NELL2: variants seen among roughly 807,000 people sequenced by gnomAD.
NELL2 encodes protein kinase C-binding protein NELL2.
NELL2 carries 41 observed loss-of-function variants against 109.6 expected under a neutral mutation model. That is an observed-to-expected ratio of 0.37 (90% CI 0.29 to 0.49). NELL2 has a LOEUF of 0.49. NELL2 is among the 20% of genes least tolerant of loss of function. The pLI is 0.98. For missense variants in NELL2, 900 were observed against 1,008.3 expected, an observed-to-expected ratio of 0.89 and a Z score of 1.45; for synonymous variants, 355 against 344.7, an observed-to-expected ratio of 1.03 and a Z score of -0.33.
chr12:44,807,135 TA>T (rs150063926), intron 3 of NELL2, among the ~76,000 whole-genome samples: 2,526 of 151,446 alleles, frequency 0.017, 66 homozygotes, highest in African/African-American at 0.055. Flanking sequence ...AACCAAATAA[TA>T]AACACATATA....
At chr12:44,573,304 T>C (rs537064050) in intron 15 of NELL2, among the ~76,000 whole-genome samples, 4 of 152,202 alleles carry the variant, frequency 2.6e-5, no homozygotes, top group East Asian at 3.9e-4. Flanking sequence ...TGGACCAAAC[T>C]GCCCAAGTGT....
chr12:44,571,119 T>G (rs773694448), intron 15 of NELL2, among the ~76,000 whole-genome samples: 4 of 152,168 alleles, frequency 2.6e-5, no homozygotes, highest in Non-Finnish European at 4.4e-5. Context: ...AACAGCTGTG[T>G]GAACAAAAGC....
intron 2 of NELL2, among the ~76,000 whole-genome samples, chr12:44,828,550 T>C (rs542740876): frequency 2.4e-4 from 36 of 152,294 alleles, no homozygotes; most frequent in African/African-American, 8.4e-4. Context: ...CACATAAAAG[T>C]ATACATACAT....
intron 3 of NELL2, 74 bp downstream of exon 3, chr12:44,815,912 T>C: frequency 6.1e-6 from 9 of 1,485,196 alleles, no homozygotes; most frequent in Non-Finnish European, 8.2e-6. Context: ...AGAAAGCTTT[T>C]GTTTACTTCT....
At chr12:44,514,533 ATTAG>A (rs1254973331) in intron 19 of NELL2, among the ~76,000 whole-genome samples, 3 of 150,750 alleles carry the variant, frequency 2.0e-5, no homozygotes, top group African/African-American at 7.4e-5. Flanking sequence ...ATATTTTATT[ATTAG>A]TTATTGTTGT....
At chr12:44,563,768 G>A (rs1943559239) in intron 15 of NELL2, among the ~76,000 whole-genome samples, 1 of 152,108 alleles carries the variant, frequency 6.6e-6, no homozygotes, top group Admixed American at 6.6e-5. Context: ...AGTAGAAATA[G>A]CCTTTTCTAA....
chr12:44,655,883 A>G (rs1947481534), intron 13 of NELL2, among the ~76,000 whole-genome samples: 1 of 152,210 alleles, frequency 6.6e-6, no homozygotes, highest in Non-Finnish European at 1.5e-5. Flanking sequence ...TTTAAAACCT[A>G]AAGTTGTCTG....
At chr12:44,798,438 G>C (rs1440193871) in intron 3 of NELL2, among the ~76,000 whole-genome samples, 1 of 151,772 alleles carries the variant, frequency 6.6e-6, no homozygotes, top group Non-Finnish European at 1.5e-5. Context: ...TCAAATAATG[G>C]CAATTAAAAT....
At chr12:44,762,089 CA>C (rs1304594275) in intron 9 of NELL2, among the ~76,000 whole-genome samples, 3 of 151,984 alleles carry the variant, frequency 2.0e-5, no homozygotes, top group Non-Finnish European at 4.4e-5. Context: ...TGTCAACAAA[CA>C]TAATGAAAAA....
rs573213678 is a variant in NELL2, at chr12:44,672,549, C to A, written c.1319-6940G>T. 2.9e-4 allele frequency among the ~76,000 whole-genome samples: 44 copies of A among 152,296 alleles called. No homozygotes were observed. The South Asian group carries it at 8.3e-3, about 29-fold the overall frequency. ...GGACTACTACCATAGATGTAGCCTA[C>A]CCCAGCAGAAGTAGCTATCAAACTT... On this transcript the variant is annotated intron_variant, in intron 12 of 19. Transcript: ENST00000429094.
intron 13 of NELL2, among the ~76,000 whole-genome samples, chr12:44,616,559 A>G (rs1945828947): frequency 6.6e-6 from 1 of 152,180 alleles, no homozygotes. Context: ...AGAGAAGCCC[A>G]TAAAAGAGGT....
rs572448642 is a variant in NELL2, at chr12:44,854,497, T to A, written c.184+20728A>T. Reference sequence around the variant, plus strand: ...TCAGGGGTTACAAGAAAAAGAAAAGTTAACTAAAAGGAAGGACGAAATTTA... The same window carrying A: ...TCAGGGGTTACAAGAAAAAGAAAAGATAACTAAAAGGAAGGACGAAATTTA... On this transcript the variant is annotated intron_variant, in intron 2 of 19. Transcript: ENST00000429094. 1.3e-3 allele frequency among the ~76,000 whole-genome samples: 195 copies of A among 152,216 alleles called. 1 individual carries two copies. Among genetic ancestry groups the A allele is most frequent in the African/African-American group, 4.5e-3 (188 of 41,532 alleles).
At chr12:44,674,737 T>C (rs1948251300) in intron 12 of NELL2, among the ~76,000 whole-genome samples, 1 of 152,048 alleles carries the variant, frequency 6.6e-6, no homozygotes, top group African/African-American at 2.4e-5. Context: ...AACTGAGGAA[T>C]TGGTAAGAAG....
chr12:44,551,741 G>C (rs1378746240), intron 15 of NELL2, among the ~76,000 whole-genome samples: 3 of 152,104 alleles, frequency 2.0e-5, no homozygotes, highest in Non-Finnish European at 4.4e-5. Flanking sequence ...GTAAATATCT[G>C]GAAGACAATT....
At chr12:44,784,959 T>A (rs527358968) in intron 3 of NELL2, among the ~76,000 whole-genome samples, 7 of 152,202 alleles carry the variant, frequency 4.6e-5, no homozygotes, top group Non-Finnish European at 8.8e-5. Context: ...GCATTCCCTT[T>A]GAAAACCGGC....
chr12:44,576,160 G>A (rs908352495), intron 15 of NELL2, among the ~76,000 whole-genome samples: 3 of 152,054 alleles, frequency 2.0e-5, no homozygotes, highest in Admixed American at 6.5e-5. Flanking sequence ...TCAAACCAAT[G>A]ACCTCAGTAA....
At chr12:44,547,884 C>G (rs1448684460) in intron 15 of NELL2, among the ~76,000 whole-genome samples, 1 of 152,150 alleles carries the variant, frequency 6.6e-6, no homozygotes, top group Non-Finnish European at 1.5e-5. Context: ...AGTATATTTT[C>G]AAGGCTCTTC....
intron 7 of NELL2, among the ~76,000 whole-genome samples, chr12:44,776,722 G>C (rs1036344997): frequency 6.6e-6 from 1 of 152,100 alleles, no homozygotes; most frequent in Non-Finnish European, 1.5e-5. Flanking sequence ...TCTTTACACT[G>C]TCCTACTGCC....
intron 2 of NELL2, among the ~76,000 whole-genome samples, chr12:44,848,718 T>A (rs1271330659): frequency 6.6e-6 from 1 of 152,170 alleles, no homozygotes; most frequent in Non-Finnish European, 1.5e-5. Flanking sequence ...CTGGGCTTTT[T>A]AATCAATAGA....
Sources: allele counts gnomAD v4.1 joint callset (sites outside exome capture counted in the v4.1 genomes callset), GRCh38; gene constraint gnomAD v4.1.1; transcripts MANE v1.5; gene names NCBI Gene and HGNC (gene_info 2026-07-23, HGNC 2026-07-21).